STPG2: variants seen among roughly 807,000 people sequenced by gnomAD.
STPG2 encodes sperm-tail PG-rich repeat-containing protein 2.
A neutral mutation model predicts 54.2 loss-of-function variants in STPG2; 56 were observed. The ratio of observed to expected loss-of-function variants is 1.03; its 90% CI spans 0.83 to 1.29. STPG2 has a LOEUF of 1.29. Ranked by LOEUF, STPG2 falls within the 50% of genes most tolerant of loss-of-function variation. STPG2 has a pLI of 0.00. For missense variants in STPG2, 596 were observed against 544.9 expected (o/e 1.09, Z -0.93); for synonymous variants, 200 against 181.8 (o/e 1.10, Z -0.81).
chr4:97,960,057 A>G (rs561962591), intron 7 of STPG2, among the ~76,000 whole-genome samples: 31 of 152,208 alleles, frequency 2.0e-4, no homozygotes, highest in Non-Finnish European at 3.8e-4. Context: ...GCAAGTCAAT[A>G]ATTGTGATAC....
intron 8 of STPG2, among the ~76,000 whole-genome samples, chr4:97,877,910 T>C (rs1410721620): frequency 6.6e-6 from 1 of 152,124 alleles, no homozygotes; most frequent in African/African-American, 2.4e-5. Flanking sequence ...GCCTGTAAAA[T>C]TAAAAGCAAG....
chr4:97,550,417 A>C (rs947279112), intron 4 of STPG2, among the ~76,000 whole-genome samples: 1 of 152,166 alleles, frequency 6.6e-6, no homozygotes, highest in Non-Finnish European at 1.5e-5. Context: ...ATAATCTTGT[A>C]AGTAAATTCA....
chr4:97,876,645 T>C (rs1730181121), intron 8 of STPG2, among the ~76,000 whole-genome samples: 1 of 152,090 alleles, frequency 6.6e-6, no homozygotes, highest in African/African-American at 2.4e-5. Context: ...AAGCTAAGGA[T>C]ATTCTACTCT....
In STPG2 at chr4:97,698,161, G is replaced by A. The variant is rs534825844; in HGVS notation, c.1320+14538C>T. The stretch of plus-strand genomic sequence containing the variant: ...CCTTCAGCAAGAACCTCAGCAGGTC[G>A]TGGTTATTTTCTTGGTGGAGTGACT... On this transcript the variant is annotated intron_variant, in intron 10 of 10. Coordinates refer to ENST00000295268, the MANE Select transcript of STPG2 (RefSeq NM_174952.3). Among the ~76,000 whole-genome samples, 11 of 152,196 alleles carry A rather than the reference G, an allele frequency of 7.2e-5. No homozygotes were observed. The South Asian group carries it at 1.0e-3, about 14-fold the overall frequency.
intron 9 of STPG2, among the ~76,000 whole-genome samples, chr4:97,762,332 CT>C (rs1725912950): frequency 6.6e-6 from 1 of 152,158 alleles, no homozygotes; most frequent in African/African-American, 2.4e-5. Flanking sequence ...AAGGCACACT[CT>C]GTGCTGTTCC....
intron 7 of STPG2, among the ~76,000 whole-genome samples, chr4:97,944,709 T>C (rs574856880): frequency 4.6e-5 from 7 of 152,286 alleles, no homozygotes; most frequent in Middle Eastern, 3.4e-3. Flanking sequence ...TCATAGTTAA[T>C]ATTTCAGAAT....
At position 97,676,568 on chromosome 4, in the gene STPG2, AGGAAGGAAAGGAGGG is replaced by A. The variant is rs1560713972; in HGVS notation, c.1320+36116_1320+36130del. Among the ~76,000 whole-genome samples the A allele has an allele frequency of 1.7e-4, 21 of 126,988 alleles. 1 individual carries two copies. The highest frequency in any genetic ancestry group is 5.6e-4 in the African/African-American group (19 of 33,984). 83.3% of individuals were successfully genotyped at this position (126,988 alleles called of 152,430 possible). A position where few individuals can be genotyped will look rare whatever the true frequency, so the allele number is the denominator to read the frequency against. ...AAGGAAGGAAGGAAGGAAGGAAGGAAGGAAGGAAAGGAGGGAGGGAGGGAGGGAGGGGGGATGGGC... is the reference window on the plus strand; with the variant it reads ...AAGGAAGGAAGGAAGGAAGGAAGGAAAGGGAGGGAGGGAGGGGGGATGGGC... On this transcript the variant is annotated intron_variant, in intron 10 of 10. Coordinates refer to ENST00000295268, the MANE Select transcript of STPG2 (RefSeq NM_174952.3).
intron 5 of STPG2, among the ~76,000 whole-genome samples, chr4:98,076,315 C>T (rs542765209): frequency 6.9e-6 from 1 of 144,990 alleles, no homozygotes; most frequent in Admixed American, 6.9e-5. Flanking sequence ...ACTGAAAGAA[C>T]TAAAAATCCA....
At chr4:97,471,051 A>T (rs987327289) in intron 4 of STPG2, among the ~76,000 whole-genome samples, 3 of 152,180 alleles carry the variant, frequency 2.0e-5, no homozygotes, top group African/African-American at 7.2e-5. Flanking sequence ...GTATACAGCT[A>T]GATACACTGG....
chr4:97,589,319 G>A (rs1386232493), intron 10 of STPG2, among the ~76,000 whole-genome samples: 1 of 151,616 alleles, frequency 6.6e-6, no homozygotes, highest in Non-Finnish European at 1.5e-5. Context: ...CATTATATGG[G>A]AAAGCCATTA....
At chr4:97,745,116 A>T (rs1725381881) in intron 9 of STPG2, among the ~76,000 whole-genome samples, 1 of 151,278 alleles carries the variant, frequency 6.6e-6, no homozygotes, top group African/African-American at 2.4e-5. Flanking sequence ...GAGATTGAAA[A>T]ATTTGCCTAT....
intron 10 of STPG2, among the ~76,000 whole-genome samples, chr4:97,711,011 T>C (rs1724096797): frequency 6.6e-6 from 1 of 151,450 alleles, no homozygotes; most frequent in Admixed American, 6.6e-5. Flanking sequence ...TATCATAAAG[T>C]ATAAATATAT....
chr4:97,972,543 C>T (rs746061088), intron 6 of STPG2, 103 bp from the exon 7 acceptor site: 10 of 661,646 alleles, frequency 1.5e-5, no homozygotes, highest in Non-Finnish European at 2.0e-5. Flanking sequence ...AATAAAAAAC[C>T]CTCACATATT....
chr4:98,025,346 T>C, intron 5 of STPG2: 1 of 271,120 alleles, frequency 3.7e-6, no homozygotes. Flanking sequence ...CTGTGGCCCT[T>C]TCCACCCCCT....
intron 5 of STPG2, among the ~76,000 whole-genome samples, chr4:98,007,755 T>C (rs1735618729): frequency 1.4e-5 from 2 of 145,382 alleles, no homozygotes; most frequent in East Asian, 4.0e-4. Context: ...ACCAAACAGA[T>C]AGATATCCTT....
At chr4:97,725,495 A>G (rs1255663050) in intron 9 of STPG2, among the ~76,000 whole-genome samples, 1 of 152,042 alleles carries the variant, frequency 6.6e-6, no homozygotes, top group Non-Finnish European at 1.5e-5. Flanking sequence ...ATACATTCAC[A>G]ATAATATTGC....
chr4:98,086,938 T>A lies in STPG2; in HGVS notation c.612+19015A>T, dbSNP rs60422259. The stretch of plus-strand genomic sequence containing the variant: ...TATTTTGTTTACTTACATTATAGAA[T>A]TTTTTTGCAAATTACAAAATAATAT... On this transcript the variant is annotated intron_variant, in intron 5 of 10. Coordinates refer to ENST00000295268, the MANE Select transcript of STPG2 (RefSeq NM_174952.3). Among the ~76,000 whole-genome samples the A allele has an allele frequency of 7.0e-3, 1,065 of 152,286 alleles. 13 individuals are homozygous for A. Among genetic ancestry groups the A allele is most frequent in the African/African-American group, 0.024 (997 of 41,576 alleles).
At chr4:97,926,374 G>A (rs1217972041) in intron 8 of STPG2, among the ~76,000 whole-genome samples, 1 of 152,006 alleles carries the variant, frequency 6.6e-6, no homozygotes, top group Non-Finnish European at 1.5e-5. Flanking sequence ...ATCCTTCCAT[G>A]TCCTTCCCAT....
intron 8 of STPG2, among the ~76,000 whole-genome samples, chr4:97,877,176 A>T: frequency 6.6e-6 from 1 of 152,172 alleles, no homozygotes; most frequent in East Asian, 1.9e-4. Context: ...CCTCCAGTCT[A>T]ACTGAAACTT....
Sources: gnomAD v4.1 joint callset for allele counts (sites outside exome capture counted in the v4.1 genomes callset) on GRCh38, gnomAD v4.1.1 for gene constraint, MANE v1.5 for transcripts, NCBI Gene and HGNC (gene_info 2026-07-23, HGNC 2026-07-21) for gene names.